The following HERC1 variants were observed in gnomAD, a reference collection of about 807,000 sequenced individuals.
The protein encoded by HERC1 is probable E3 ubiquitin-protein ligase HERC1.
In HERC1, 160 loss-of-function variants were observed where a neutral mutation model predicts 554.3. The ratio of observed to expected loss-of-function variants is 0.29; its 90% CI spans 0.25 to 0.33. The LOEUF is 0.33. HERC1 is among the 10% of genes least tolerant of loss of function. The pLI is 1.00. For synonymous variants in HERC1, 2,175 were observed against 2,131.7 expected, an observed-to-expected ratio of 1.02 and a Z score of -0.56; for missense variants, 4,919 against 5,918.5, an observed-to-expected ratio of 0.83 and a Z score of 5.54.
At chr15:63,729,970 G>A (rs1230881670) in intron 14 of HERC1, among the ~76,000 whole-genome samples, 2 of 144,066 alleles carry the variant, frequency 1.4e-5, no homozygotes, top group African/African-American at 2.6e-5. Flanking sequence ...AGGTTGCAGT[G>A]AGCCAAGATC....
chr15:63,661,042 G>C lies in HERC1; in HGVS notation c.9171-17C>G, dbSNP rs761736129. 6.3e-7 allele frequency: 1 copy of C among 1,599,730 alleles called. No homozygotes were observed. Among genetic ancestry groups the C allele is most frequent in the African/African-American group, 1.3e-5 (1 of 74,552 alleles). ...CCCTTGTACCTGCACCAAACATGAA[G>C]AACATTGCATTTTTATATAAAACAG... On this transcript the variant is annotated splice_polypyrimidine_tract_variant and intron_variant, in intron 45 of 77. Coordinates refer to ENST00000443617, the MANE Select transcript of HERC1 (RefSeq NM_003922.4).
At chr15:63,676,391 G>C (rs1053021005) in intron 37 of HERC1, among the ~76,000 whole-genome samples, 14 of 152,170 alleles carry the variant, frequency 9.2e-5, no homozygotes, top group African/African-American at 3.1e-4. Flanking sequence ...GTATTTTTTG[G>C]CTAAGATGAT....
chr15:63,760,597 G>A (rs748053443), intron 3 of HERC1, among the ~76,000 whole-genome samples: 13 of 151,746 alleles, frequency 8.6e-5, no homozygotes, highest in Non-Finnish European at 1.6e-4. Context: ...AAATACAGTA[G>A]ATAATGCCCT....
At chr15:63,765,130 T>G (rs2075733686) in intron 2 of HERC1, among the ~76,000 whole-genome samples, 1 of 152,204 alleles carries the variant, frequency 6.6e-6, no homozygotes, top group Admixed American at 6.5e-5. Flanking sequence ...CATAGGTAAC[T>G]ACTCTCTGTT....
Position 63,694,478 on chromosome 15 carries a change from A to G in HERC1, c.5314T>C (p.Leu1772=), listed in dbSNP as rs371264866. The G allele has an allele frequency of 5.0e-4, 805 of 1,613,934 alleles. No homozygotes were observed. The highest frequency in any genetic ancestry group is 6.6e-4 in the Non-Finnish European group (774 of 1,179,906). Residue 1772 remains leucine, a synonymous_variant, in exon 29 of 78, where the codon TTG becomes CTG. Coordinates refer to ENST00000443617, the MANE Select transcript of HERC1 (RefSeq NM_003922.4). This position sits in a 1 kb window ranked among gnomAD's most constrained non-coding sequence, Gnocchi z 4.3. The stretch of plus-strand genomic sequence containing the variant: ...TTTAGCAGACCAGTGGAAATTGCCA[A>G]AGAAACATCTACTGGTTGATAATGA... ...SVHYQPVDVS[L]AISTGLLNVL...
intron 70 of HERC1, 65 bp downstream of exon 70, chr15:63,628,612 A>G (rs541549356): frequency 2.7e-6 from 4 of 1,478,238 alleles, no homozygotes. Flanking sequence ...ACTGGCAAGC[A>G]GACAGTGCCA....
intron 55 of HERC1, among the ~76,000 whole-genome samples, chr15:63,646,539 C>T (rs1368027023): frequency 2.7e-5 from 4 of 150,352 alleles, no homozygotes; most frequent in African/African-American, 7.3e-5. Context: ...CCGTGGCTCA[C>T]GCCCGTAATC....
intron 19 of HERC1, among the ~76,000 whole-genome samples, chr15:63,720,103 C>CATTTTTTTTTTTTTTTTTTT (rs2073747290): frequency 2.8e-5 from 2 of 71,608 alleles, no homozygotes; most frequent in South Asian, 4.2e-4. Flanking sequence ...TTTTTCTTCC[C>CATTTTTTTTTTTTTTTTTTT]TTTTTTTTTT....
chr15:63,704,274 TAC>T (rs1362039232), intron 25 of HERC1, among the ~76,000 whole-genome samples: 1 of 152,246 alleles, frequency 6.6e-6, no homozygotes, highest in African/African-American at 2.4e-5. Context: ...ACATTCAAAT[TAC>T]AGTTTTTTCT....
In HERC1 at chr15:63,609,120, T is replaced by C; in HGVS notation, c.14547A>G (p.Arg4849=). The C allele has an allele frequency of 6.8e-6, 11 of 1,613,986 alleles. No individual in the cohort carries two copies. Among genetic ancestry groups the C allele is most frequent in the Non-Finnish European group, 6.8e-6 (8 of 1,179,872 alleles). Reference sequence around the variant, plus strand: ...CGGAGCCCTCGGCGTTGTCCACGTTTCTCGAGAGCATGTAGTTGTCCATGT... The same window carrying C: ...CGGAGCCCTCGGCGTTGTCCACGTTCCTCGAGAGCATGTAGTTGTCCATGT... ...SIDMDNYMLS[R]NVDNAEGSDT... is the part of the protein sequence containing the mutation. The change falls in exon 78 of 78, where the codon AGA becomes AGG. Residue 4849 remains arginine, a synonymous_variant. Coordinates refer to ENST00000443617, the MANE Select transcript of HERC1 (RefSeq NM_003922.4).
Position 63,696,186 on chromosome 15 carries a change from C to G in HERC1, c.5059G>C (p.Gly1687Arg). The change falls in exon 27 of 78, where the codon GGT (glycine) becomes CGT (arginine). Residue 1687 changes from glycine to arginine, a missense_variant. Around this residue, in one of 11 missense-constraint regions of HERC1, gnomAD observed 1,121 missense variants for 1,244.0 expected, o/e 0.90. Transcript: ENST00000443617. ...CCTGTGTGTCCAACAGTGCCTAAAC[C>G]AAAACACCCTGCTAGGAACTGCAGC... ...VRLQFLAGCFGLGTVGHTGGK... is the reference protein window; with the variant it reads ...VRLQFLAGCFRLGTVGHTGGK... 1 of 1,613,668 alleles carries G rather than the reference C, an allele frequency of 6.2e-7. No individual in the cohort carries two copies. Among genetic ancestry groups the G allele is most frequent in the Non-Finnish European group, 8.5e-7 (1 of 1,179,770 alleles).
At chr15:63,726,170 T>C (rs901824751) in intron 17 of HERC1, among the ~76,000 whole-genome samples, 6 of 152,088 alleles carry the variant, frequency 3.9e-5, no homozygotes, top group African/African-American at 1.2e-4. Flanking sequence ...TTAGTAGAGA[T>C]GGGGTTTCAC....
In HERC1 at chr15:63,732,990, G is replaced by A; in HGVS notation, c.2802C>T (p.Cys934=). Reference sequence around the variant, plus strand: ...TTTCAGCCAGGTGGGTATCTGGATGGCAGCTCTGAGTGCCGTAAGGTTGAT... The same window carrying A: ...TTTCAGCCAGGTGGGTATCTGGATGACAGCTCTGAGTGCCGTAAGGTTGAT... The part of the protein sequence containing the change: ...LSDQPYGTQS[C]HPDTHLAEIL... The change falls in exon 14 of 78, where the codon TGC becomes TGT. Residue 934 remains cysteine, a synonymous_variant. Transcript: ENST00000443617. The A allele has an allele frequency of 6.2e-7, 1 of 1,613,932 alleles. No individual in the cohort carries two copies. Among genetic ancestry groups the A allele is most frequent in the Non-Finnish European group, 8.5e-7 (1 of 1,179,856 alleles).
chr15:63,644,694 G>A (rs1371757916), intron 57 of HERC1, among the ~76,000 whole-genome samples: 1 of 152,178 alleles, frequency 6.6e-6, no homozygotes, highest in Admixed American at 6.5e-5. Context: ...CTCCCATGGA[G>A]TTTCTATTTT....
At position 63,662,143 on chromosome 15, in the gene HERC1, T is replaced by A; in HGVS notation, c.8902-122A>T. 5 of 1,063,848 alleles carry A rather than the reference T, an allele frequency of 4.7e-6. No individual in the cohort carries two copies. In the South Asian group the frequency reaches 5.6e-5, roughly 12 times the overall value. The allele number at this position is 1,063,848 out of a possible 1,614,324, so 65.9% of individuals were successfully genotyped here. ...TGCTAGAATATTTCCAACATGTTCA[T>A]TAATGCTAAATAAAAAATTTCTTTC... On this transcript the variant is annotated intron_variant, in intron 44 of 77. Coordinates refer to ENST00000443617, the MANE Select transcript of HERC1 (RefSeq NM_003922.4).
Position 63,690,655 on chromosome 15 carries a change from G to A in HERC1, c.5831-8C>T, listed in dbSNP as rs750147228. On this transcript the variant is annotated splice_region_variant and splice_polypyrimidine_tract_variant and intron_variant, in intron 31 of 77. Transcript: ENST00000443617. The stretch of plus-strand genomic sequence containing the variant: ...TACCAACCAGAGGGATACCTGGAGG[G>A]GAAAAGACCTTTTCTTATTATCAAT... 1.3e-5 allele frequency: 19 copies of A among 1,501,140 alleles called. No individual in the cohort carries two copies. Among genetic ancestry groups the A allele is most frequent in the East Asian group, 2.3e-5 (1 of 44,208 alleles). The allele number at this position is 1,501,140 out of a possible 1,614,324, so 93.0% of individuals were successfully genotyped here.
chr15:63,801,174 T>C (rs1329965421), intron 1 of HERC1, among the ~76,000 whole-genome samples: 1 of 152,200 alleles, frequency 6.6e-6, no homozygotes, highest in African/African-American at 2.4e-5. Context: ...TCCTGAGTTG[T>C]ATCATTTATA....
At position 63,698,864 on chromosome 15, in the gene HERC1, G is replaced by A. The variant is rs2072570419; in HGVS notation, c.4769C>T (p.Thr1590Ile). Residue 1590 changes from threonine (T) to isoleucine (I), a missense_variant, in exon 26 of 78, where the codon ACT (threonine) becomes ATT (isoleucine). By Grantham distance (89) the Thr-to-Ile change is moderately conservative. Coordinates refer to ENST00000443617, the MANE Select transcript of HERC1 (RefSeq NM_003922.4). ...AAAGCTTACAACATTTTCAATCAAA[G>A]TGTGAACTCCCAAAGACTTGGTAAG... is the stretch of plus-strand genomic sequence containing the variant. ...FDLTKSLGVH[T>I]LIENVVSFVS... 6.2e-7 allele frequency: 1 copy of A among 1,613,836 alleles called. No individual in the cohort carries two copies. Among genetic ancestry groups the A allele is most frequent in the African/African-American group, 1.3e-5 (1 of 74,920 alleles).
intron 16 of HERC1, 146 bp downstream of exon 16, chr15:63,729,090 C>A (rs1270276203): frequency 9.1e-6 from 7 of 770,248 alleles, no homozygotes; most frequent in Non-Finnish European, 1.4e-5. Flanking sequence ...ACACTACCCC[C>A]AAACCAAGAC....
Sources: gnomAD v4.1 joint callset for allele counts (sites outside exome capture counted in the v4.1 genomes callset) on GRCh38, gnomAD v4.1.1 for gene constraint, gnomAD v4.1.1 regional missense constraint, Gnocchi (gnomAD v3.1) non-coding constraint, MANE v1.5 for transcripts, NCBI Gene and HGNC (gene_info 2026-07-23, HGNC 2026-07-21) for gene names.